HEATR5B: variants seen among roughly 807,000 people sequenced by gnomAD.
HEATR5B encodes the protein HEAT repeat-containing protein 5B.
Under a neutral mutation model 224.1 loss-of-function variants are expected in HEATR5B, and 156 were observed. The ratio of observed to expected loss-of-function variants is 0.70; its 90% CI spans 0.61 to 0.80. HEATR5B has a LOEUF of 0.80. Among genes scored for constraint, HEATR5B ranks in the 30% least tolerant of loss-of-function variants. The probability of loss-of-function intolerance (pLI) is 0.00; values close to 1 mark genes in which losing one functional copy is unlikely to be tolerated. For missense variants in HEATR5B, 2,323 were observed against 2,535.5 expected (o/e 0.92, Z 1.80); for synonymous variants, 1,027 against 893.0 (o/e 1.15, Z -2.68).
At chr2:37,040,242 T>C (rs917515384) in intron 20 of HEATR5B, 87 bp downstream of exon 20, 8 of 1,073,508 alleles carry the variant, frequency 7.5e-6, no homozygotes, top group African/African-American at 6.4e-5. Context: ...TTACAAAATT[T>C]CTTCAAGTAA....
At chr2:37,012,819 T>C (rs1308564475) in intron 27 of HEATR5B, among the ~76,000 whole-genome samples, 1 of 152,202 alleles carries the variant, frequency 6.6e-6, no homozygotes, top group East Asian at 1.9e-4. Context: ...CTATCCTCCA[T>C]GTTTCAATGT....
chr2:37,052,440 T>C (rs1277890448), intron 17 of HEATR5B, among the ~76,000 whole-genome samples: 1 of 152,232 alleles, frequency 6.6e-6, no homozygotes, highest in Admixed American at 6.5e-5. Context: ...ACCATGGCCA[T>C]GATTTTTGTA....
chr2:37,060,855 C>T (rs1323505846), intron 11 of HEATR5B, 122 bp from the exon 12 acceptor site: 2 of 654,690 alleles, frequency 3.1e-6, no homozygotes, highest in Middle Eastern at 5.7e-4. Flanking sequence ...GAGTAAAATA[C>T]TGATGTTTAA....
rs148293899 is a variant in HEATR5B at position 37,083,978 on chromosome 2, A to G, written c.-23+291T>C. On this transcript the variant is annotated intron_variant, in intron 1 of 35. Transcript: ENST00000233099. ...CCCGGCGGCCGAAGCGTCAGTGACA[A>G]CACCAGGCGGTCCGGAATGCACCCG... Among the ~76,000 whole-genome samples, 58 of 152,250 alleles carry G rather than the reference A, an allele frequency of 3.8e-4. 1 individual carries two copies. In the East Asian group the frequency reaches 9.9e-3, roughly 26 times the overall value.
intron 7 of HEATR5B, 59 bp from the exon 8 acceptor site, chr2:37,068,989 G>C (rs553089263): frequency 3.3e-6 from 5 of 1,517,016 alleles, no homozygotes; most frequent in Non-Finnish European, 4.5e-6. Flanking sequence ...AGAAATCAAA[G>C]ATAAAGCAAC....
At chr2:37,064,239 A>G (rs185821712) in intron 10 of HEATR5B, among the ~76,000 whole-genome samples, 1 of 152,148 alleles carries the variant, frequency 6.6e-6, no homozygotes, top group East Asian at 1.9e-4. Context: ...AGCTGAAAGA[A>G]AAGCTCTGAC....
intron 27 of HEATR5B, among the ~76,000 whole-genome samples, chr2:37,010,467 A>T (rs2148405470): frequency 6.6e-6 from 1 of 152,118 alleles, no homozygotes; most frequent in Middle Eastern, 3.4e-3. Context: ...TATTACTGTC[A>T]TATCTTCTAG....
At chr2:37,020,913 T>G in intron 24 of HEATR5B, 77 bp from the exon 25 acceptor site, 1 of 824,092 alleles carries the variant, frequency 1.2e-6, no homozygotes, top group Non-Finnish European at 1.8e-6. Flanking sequence ...TGAAATGAAA[T>G]AAATTTTTGA....
At chr2:37,065,135 C>G (rs542589071) in intron 9 of HEATR5B, 145 bp from the exon 10 acceptor site, 9 of 675,722 alleles carry the variant, frequency 1.3e-5, no homozygotes, top group African/African-American at 7.2e-5. Context: ...AAACTACATA[C>G]AGTAGAGTAC....
chr2:37,058,430 T>C (rs753590050), intron 14 of HEATR5B, 21 bp downstream of exon 14: 1 of 1,429,722 alleles, frequency 7.0e-7, no homozygotes, highest in African/African-American at 1.4e-5. Context: ...TTTTATCAGA[T>C]ACCACAAATT....
intron 35 of HEATR5B, among the ~76,000 whole-genome samples, chr2:36,988,114 A>C (rs1209531429): frequency 1.3e-5 from 2 of 151,910 alleles, no homozygotes; most frequent in African/African-American, 2.4e-5. Context: ...TATTTTTCCT[A>C]GATCTTAAGG....
intron 5 of HEATR5B, among the ~76,000 whole-genome samples, chr2:37,075,061 G>C (rs1007005395): frequency 6.6e-6 from 1 of 152,200 alleles, no homozygotes; most frequent in Non-Finnish European, 1.5e-5. Flanking sequence ...TCCATCCCTA[G>C]GTTATTTGCG....
chr2:37,021,050 A>G (rs1241123445), intron 24 of HEATR5B, among the ~76,000 whole-genome samples: 1 of 152,048 alleles, frequency 6.6e-6, no homozygotes, highest in Non-Finnish European at 1.5e-5. Context: ...ATGATGTTAT[A>G]GGACTTACAA....
intron 27 of HEATR5B, among the ~76,000 whole-genome samples, chr2:37,012,393 A>C (rs905879553): frequency 6.6e-6 from 1 of 151,942 alleles, no homozygotes; most frequent in African/African-American, 2.4e-5. Flanking sequence ...TAATTAATTA[A>C]ATTTTTTTTT....
In HEATR5B at chr2:37,014,023, A is replaced by G. The variant is rs1667957473; in HGVS notation, c.4105-3T>C. On this transcript the variant is annotated splice_polypyrimidine_tract_variant and splice_region_variant and intron_variant, in intron 26 of 35. Transcript: ENST00000233099. ...CTTCCTATCCATGTACTACATACCT[A>G]GACAAAGAGAATTCAAAAACTTTTG... 1.3e-6 allele frequency: 2 copies of G among 1,508,998 alleles called. No individual in the cohort carries two copies. The highest frequency in any genetic ancestry group is 4.5e-5 in the Admixed American group (2 of 44,686). The allele number at this position is 1,508,998 out of a possible 1,614,324, so 93.5% of individuals were successfully genotyped here.
chr2:37,049,573 A>G, intron 18 of HEATR5B, 80 bp downstream of exon 18: 1 of 1,273,780 alleles, frequency 7.9e-7, no homozygotes, highest in Non-Finnish European at 1.1e-6. Flanking sequence ...ACCATGTGGA[A>G]AACATAAACT....
intron 8 of HEATR5B, among the ~76,000 whole-genome samples, chr2:37,066,959 T>C (rs1275708129): frequency 6.6e-6 from 1 of 152,012 alleles, no homozygotes; most frequent in Non-Finnish European, 1.5e-5. Flanking sequence ...AACCTCTGCC[T>C]CCTGGGTTCA....
intron 6 of HEATR5B, among the ~76,000 whole-genome samples, chr2:37,071,625 GT>G (rs113246086): frequency 1.3e-5 from 2 of 150,858 alleles, no homozygotes; most frequent in African/African-American, 4.9e-5. Flanking sequence ...TAGATATCCT[GT>G]ACATTATCAT....
In HEATR5B at chr2:37,032,693, C is replaced by T. The variant is rs769813119; in HGVS notation, c.3297G>A (p.Ala1099=). 9.3e-6 allele frequency: 15 copies of T among 1,613,942 alleles called. No homozygotes were observed. In the Middle Eastern group the frequency reaches 4.9e-4, roughly 53 times the overall value. The part of the protein sequence containing the change: ...CLRQLAQREA[A]EVCEYAMSLA... The stretch of plus-strand genomic sequence containing the variant: ...GGCTCATGGCATATTCACATACTTC[C>T]GCTGCTTCTCTTTGTGCAAGTTGCC... The change falls in exon 22 of 36, where the codon GCG becomes GCA. Residue 1099 remains alanine (A), a synonymous_variant. Transcript: ENST00000233099.
Sources: allele counts gnomAD v4.1 joint callset (sites outside exome capture counted in the v4.1 genomes callset), GRCh38; gene constraint gnomAD v4.1.1; transcripts MANE v1.5; gene names NCBI Gene and HGNC (gene_info 2026-07-23, HGNC 2026-07-21).